Variants in ADGRL3 observed in about 807,000 individuals in gnomAD.
ADGRL3 encodes the protein adhesion G protein-coupled receptor L3.
In ADGRL3, 62 loss-of-function variants were observed where a neutral mutation model predicts 153.5. The ratio of observed to expected loss-of-function variants is 0.40; its 90% CI spans 0.33 to 0.50. The LOEUF is 0.50. Ranked by LOEUF, ADGRL3 falls within the 20% of genes least tolerant of loss-of-function variation. ADGRL3 has a pLI of 0.47. For missense variants in ADGRL3, 1,641 were observed against 1,859.4 expected (o/e 0.88, Z 2.16); for synonymous variants, 710 against 672.5 (o/e 1.06, Z -0.86).
At chr4:61,647,166 C>T (rs1031563598) in intron 5 of ADGRL3, among the ~76,000 whole-genome samples, 14 of 152,186 alleles carry the variant, frequency 9.2e-5, no homozygotes, top group East Asian at 3.9e-4. Flanking sequence ...CACTGGCCTG[C>T]GCCCACTGTC....
chr4:61,775,904 T>C lies in ADGRL3; in HGVS notation c.1400-37905T>C, dbSNP rs2097142941. 4 of 245,042 alleles carry C rather than the reference T, an allele frequency of 1.6e-5. No homozygotes were observed. In the South Asian group the frequency reaches 6.0e-4, roughly 37 times the overall value. 15.2% of individuals were successfully genotyped at this position (245,042 alleles called of 1,614,324 possible). On this transcript the variant is annotated intron_variant, in intron 8 of 26. Coordinates refer to ENST00000683033, the MANE Select transcript of ADGRL3 (RefSeq NM_001387552.1). ...TTGTTTTTATTTATTTATTTATTTATTTATTTATTTTTTTGAGACGGAGTC... is the reference window on the plus strand; with the variant it reads ...TTGTTTTTATTTATTTATTTATTTACTTATTTATTTTTTTGAGACGGAGTC...
At chr4:61,705,099 A>G (rs910966513) in intron 6 of ADGRL3, among the ~76,000 whole-genome samples, 2 of 152,188 alleles carry the variant, frequency 1.3e-5, no homozygotes, top group African/African-American at 2.4e-5. Flanking sequence ...AATGTTTGTA[A>G]TAGCATCTAG....
At chr4:61,320,289 C>A (rs1018584536) in intron 1 of ADGRL3, among the ~76,000 whole-genome samples, 15 of 152,280 alleles carry the variant, frequency 9.9e-5, no homozygotes, top group Admixed American at 3.9e-4. Flanking sequence ...ACCTAAGGAT[C>A]CTTGTTAACA....
chr4:61,829,590 C>T (rs2097847615), intron 9 of ADGRL3, among the ~76,000 whole-genome samples: 1 of 152,120 alleles, frequency 6.6e-6, no homozygotes, highest in South Asian at 2.1e-4. Context: ...AAAAATAGAA[C>T]TTCTCCCTAG....
chr4:62,071,175 A>G lies in ADGRL3; in HGVS notation c.*267A>G. Reference sequence around the variant, plus strand: ...ACTTCATTATGTTAATGAACAAGATATGAAGAAAATGGCACTCATTGTGGC... The same window carrying G: ...ACTTCATTATGTTAATGAACAAGATGTGAAGAAAATGGCACTCATTGTGGC... On this transcript the variant is annotated 3_prime_UTR_variant, in exon 27 of 27. Coordinates refer to ENST00000683033, the MANE Select transcript of ADGRL3 (RefSeq NM_001387552.1). The G allele has an allele frequency of 3.0e-6, 1 of 337,734 alleles. No individual in the cohort carries two copies. The highest frequency in any genetic ancestry group is 5.4e-6 in the Non-Finnish European group (1 of 184,834). The allele number at this position is 337,734 out of a possible 1,614,324, so 20.9% of individuals were successfully genotyped here.
chr4:61,383,833 G>GA (rs1578560326), intron 2 of ADGRL3, among the ~76,000 whole-genome samples: 1 of 151,796 alleles, frequency 6.6e-6, no homozygotes, highest in East Asian at 1.9e-4. Flanking sequence ...GAAAATCATA[G>GA]AAGGCAAAAC....
intron 1 of ADGRL3, among the ~76,000 whole-genome samples, chr4:61,359,951 G>A (rs1280373795): frequency 7.3e-6 from 1 of 136,488 alleles, no homozygotes; most frequent in Non-Finnish European, 1.6e-5. Context: ...ATTATATATA[G>A]TGGTATGTAT....
At chr4:61,310,220 A>G (rs1351477938) in intron 1 of ADGRL3, among the ~76,000 whole-genome samples, 1 of 151,864 alleles carries the variant, frequency 6.6e-6, no homozygotes, top group Non-Finnish European at 1.5e-5. Flanking sequence ...GCTGAAACCC[A>G]ATAAATGAAA....
chr4:61,430,865 A>C (rs1560619899), intron 2 of ADGRL3, among the ~76,000 whole-genome samples: 1 of 152,180 alleles, frequency 6.6e-6, no homozygotes. Flanking sequence ...TTTGGTATTA[A>C]GGATAGTAGA....
chr4:61,804,987 A>C (rs1384893555), intron 8 of ADGRL3, among the ~76,000 whole-genome samples: 2 of 146,938 alleles, frequency 1.4e-5, no homozygotes, highest in Non-Finnish European at 3.0e-5. Context: ...ACGGAGTCTC[A>C]TTCTGTCGCC....
intron 6 of ADGRL3, among the ~76,000 whole-genome samples, chr4:61,692,103 C>T (rs2095550255): frequency 1.3e-5 from 2 of 152,106 alleles, no homozygotes; most frequent in East Asian, 3.9e-4. Context: ...AATTGCTAGA[C>T]AAAATTAAAA....
At chr4:61,599,065 A>G (rs1001633749) in intron 5 of ADGRL3, among the ~76,000 whole-genome samples, 2 of 152,236 alleles carry the variant, frequency 1.3e-5, no homozygotes, top group Non-Finnish European at 2.9e-5. Context: ...ATGAATGTGT[A>G]CACAGAAGCC....
intron 5 of ADGRL3, among the ~76,000 whole-genome samples, chr4:61,596,298 C>A (rs1168473316): frequency 6.6e-6 from 1 of 152,082 alleles, no homozygotes; most frequent in African/African-American, 2.4e-5. Flanking sequence ...TTATGCCGGC[C>A]TTTTGTAATC....
At chr4:61,655,523 A>G (rs989096721) in intron 5 of ADGRL3, among the ~76,000 whole-genome samples, 20 of 152,346 alleles carry the variant, frequency 1.3e-4, no homozygotes, top group African/African-American at 4.8e-4. Context: ...TACACTTTGA[A>G]AAAAACAGAA....
At chr4:61,670,906 A>T in intron 5 of ADGRL3, among the ~76,000 whole-genome samples, 1 of 152,170 alleles carries the variant, frequency 6.6e-6, no homozygotes, top group East Asian at 1.9e-4. Context: ...TCATTGTAGG[A>T]TGTCCTCGGT....
chr4:61,327,278 G>A (rs567136398), intron 1 of ADGRL3, among the ~76,000 whole-genome samples: 7 of 149,470 alleles, frequency 4.7e-5, no homozygotes, highest in African/African-American at 1.7e-4. Context: ...TACATCCAGA[G>A]CTTCAAAAGT....
intron 1 of ADGRL3, among the ~76,000 whole-genome samples, chr4:61,274,665 A>G (rs2093375594): frequency 6.6e-6 from 1 of 152,158 alleles, no homozygotes; most frequent in East Asian, 1.9e-4. Context: ...ATTGGGCCAG[A>G]TAAAATGGAG....
At chr4:61,792,035 TG>T (rs1172765956) in intron 8 of ADGRL3, among the ~76,000 whole-genome samples, 1 of 152,210 alleles carries the variant, frequency 6.6e-6, no homozygotes, top group Non-Finnish European at 1.5e-5. Flanking sequence ...CCCTTTGTCT[TG>T]GGGATTAACA....
chr4:61,290,930 G>A (rs1473153492), intron 1 of ADGRL3, among the ~76,000 whole-genome samples: 6 of 151,866 alleles, frequency 4.0e-5, no homozygotes, highest in Non-Finnish European at 8.8e-5. Context: ...TATTAAAAAT[G>A]AAGGAGCTAT....
Sources: allele counts gnomAD v4.1 joint callset (sites outside exome capture counted in the v4.1 genomes callset), GRCh38; gene constraint gnomAD v4.1.1; transcripts MANE v1.5; gene names NCBI Gene and HGNC (gene_info 2026-07-23, HGNC 2026-07-21).